PTPRD: variants seen among roughly 807,000 people sequenced by gnomAD.
PTPRD encodes the protein receptor-type tyrosine-protein phosphatase delta.
Under a neutral mutation model 214.5 loss-of-function variants are expected in PTPRD, and 34 were observed. The ratio of observed to expected loss-of-function variants is 0.16; its 90% CI spans 0.12 to 0.21. PTPRD has a LOEUF of 0.21. Ranked by LOEUF, PTPRD falls within the 10% of genes least tolerant of loss-of-function variation. The probability of loss-of-function intolerance (pLI) is 1.00; values close to 1 mark genes in which losing one functional copy is unlikely to be tolerated. For missense variants in PTPRD, 2,545 were observed against 2,398.7 expected (o/e 1.06, Z -1.27); for synonymous variants, 1,128 against 845.7 (o/e 1.33, Z -5.79).
chr9:8,944,895 T>G (rs1008708221), intron 11 of PTPRD, among the ~76,000 whole-genome samples: 10 of 151,846 alleles, frequency 6.6e-5, no homozygotes, highest in Admixed American at 6.6e-4. Context: ...ATTGAGGGAG[T>G]ATAATACAAT....
chr9:8,694,852 G>A (rs72700371), intron 12 of PTPRD, among the ~76,000 whole-genome samples: 15,639 of 152,064 alleles, frequency 0.1, 1,019 homozygotes, highest in South Asian at 0.15. Flanking sequence ...TTACTGTGGA[G>A]CCCCATGGCT....
chr9:8,792,465 G>C (rs543897012), intron 11 of PTPRD, among the ~76,000 whole-genome samples: 17 of 152,140 alleles, frequency 1.1e-4, no homozygotes, highest in Admixed American at 4.6e-4. Flanking sequence ...GGCGGCAGAA[G>C]CATTTATAAT....
At chr9:8,867,592 G>A (rs554651057) in intron 11 of PTPRD, among the ~76,000 whole-genome samples, 27 of 152,220 alleles carry the variant, frequency 1.8e-4, no homozygotes, top group South Asian at 8.3e-4. Context: ...AAAACAGGTC[G>A]TGTTCTAAGA....
At chr9:8,997,004 A>C (rs2099399635) in intron 11 of PTPRD, among the ~76,000 whole-genome samples, 1 of 152,120 alleles carries the variant, frequency 6.6e-6, no homozygotes, top group Non-Finnish European at 1.5e-5. Context: ...AATGAACCTG[A>C]CTAAAAATAG....
At chr9:8,943,089 C>G (rs986115141) in intron 11 of PTPRD, among the ~76,000 whole-genome samples, 9 of 151,934 alleles carry the variant, frequency 5.9e-5, no homozygotes, top group Admixed American at 2.6e-4. Flanking sequence ...AATGAAAAAT[C>G]TCTACAATGA....
In PTPRD at chr9:9,946,855, A is replaced by G. The variant is rs528508164; in HGVS notation, c.-471-8245T>C. On this transcript the variant is annotated intron_variant, in intron 4 of 45. Coordinates refer to ENST00000381196, the MANE Select transcript of PTPRD (RefSeq NM_002839.4). ...AAGTAGTTCCACTGAAACTTAAAAT[A>G]TGCTTTAATTGAAGTGCAATATTAT... 1.9e-4 allele frequency among the ~76,000 whole-genome samples: 29 copies of G among 152,244 alleles called. No homozygotes were observed. The South Asian group carries it at 4.1e-3, about 22-fold the overall frequency.
intron 11 of PTPRD, among the ~76,000 whole-genome samples, chr9:8,934,348 T>C (rs1167734392): frequency 1.4e-5 from 2 of 144,490 alleles, no homozygotes; most frequent in East Asian, 2.1e-4. Context: ...GGTACCTACA[T>C]TCCCCTTCCC....
intron 3 of PTPRD, among the ~76,000 whole-genome samples, chr9:10,125,163 CA>C (rs965139986): frequency 6.6e-6 from 1 of 152,000 alleles, no homozygotes; most frequent in Non-Finnish European, 1.5e-5. Flanking sequence ...AGGAGTTGTA[CA>C]AACTTAAAGG....
chr9:8,596,187 A>G (rs1367767132), intron 14 of PTPRD, among the ~76,000 whole-genome samples: 1 of 152,122 alleles, frequency 6.6e-6, no homozygotes, highest in Non-Finnish European at 1.5e-5. Flanking sequence ...AAAATAATAT[A>G]GTATTTTGCA....
In PTPRD at chr9:9,805,237, T is replaced by C. The variant is rs934715671; in HGVS notation, c.-367-38386A>G. Among the ~76,000 whole-genome samples the C allele has an allele frequency of 2.0e-5, 3 of 152,098 alleles. No individual in the cohort carries two copies. The South Asian group carries it at 6.2e-4, about 31-fold the overall frequency. On this transcript the variant is annotated intron_variant, in intron 5 of 45. Transcript: ENST00000381196. ...TGTTAACAACCTCACAATGACCTAGTAGTATGAGAAGAAGTAATATATAAA... is the reference window on the plus strand; with the variant it reads ...TGTTAACAACCTCACAATGACCTAGCAGTATGAGAAGAAGTAATATATAAA...
At chr9:9,382,451 A>G (rs2062617835) in intron 9 of PTPRD, among the ~76,000 whole-genome samples, 1 of 151,998 alleles carries the variant, frequency 6.6e-6, no homozygotes, top group Non-Finnish European at 1.5e-5. Flanking sequence ...AATATCCAAA[A>G]TATGTAAGAA....
At chr9:10,027,860 C>G (rs1251132147) in intron 4 of PTPRD, among the ~76,000 whole-genome samples, 1 of 152,112 alleles carries the variant, frequency 6.6e-6, no homozygotes, top group African/African-American at 2.4e-5. Flanking sequence ...TTGCCTTTTT[C>G]TCCTTTAGAT....
chr9:9,737,759 A>AT (rs934472452), intron 6 of PTPRD, among the ~76,000 whole-genome samples: 5 of 152,046 alleles, frequency 3.3e-5, no homozygotes, highest in Non-Finnish European at 5.9e-5. Flanking sequence ...TTAGGTTTTC[A>AT]TTTTTTTGCT....
intron 3 of PTPRD, among the ~76,000 whole-genome samples, chr9:10,261,784 A>T (rs2093714971): frequency 6.6e-6 from 1 of 152,132 alleles, no homozygotes; most frequent in Admixed American, 6.5e-5. Flanking sequence ...TAATGGCATA[A>T]GGCAATAGTA....
intron 3 of PTPRD, among the ~76,000 whole-genome samples, chr9:10,143,618 C>G (rs1056492826): frequency 2.0e-5 from 3 of 152,058 alleles, no homozygotes; most frequent in African/African-American, 7.2e-5. Flanking sequence ...ATGTTCATTG[C>G]AGCACCATTC....
rs138539653 is a variant in PTPRD at position 10,025,973 on chromosome 9, T to G, written c.-472+7745A>C. On this transcript the variant is annotated intron_variant, in intron 4 of 45. Transcript: ENST00000381196. ...ATCTCAAGAAAGAGAAACTAGAGAT[T>G]AACTCAGGATACTTCAAGGCTAAGG... Among the ~76,000 whole-genome samples the G allele has an allele frequency of 6.8e-4, 103 of 152,268 alleles. 1 individual carries two copies. In the East Asian group the frequency reaches 0.017, roughly 25 times the overall value.
At chr9:9,575,980 T>C (rs1052517827) in intron 7 of PTPRD, among the ~76,000 whole-genome samples, 2 of 152,192 alleles carry the variant, frequency 1.3e-5, no homozygotes, top group African/African-American at 4.8e-5. Flanking sequence ...GCAAACTCTT[T>C]AGAAAATTCA....
intron 2 of PTPRD, among the ~76,000 whole-genome samples, chr9:10,465,915 T>A (rs1368076107): frequency 1.3e-5 from 2 of 152,204 alleles, no homozygotes; most frequent in Admixed American, 1.3e-4. Context: ...TTCCAAATAG[T>A]AAATACTATA....
At chr9:8,517,314 G>A (rs1217388620) in intron 21 of PTPRD, among the ~76,000 whole-genome samples, 3 of 152,176 alleles carry the variant, frequency 2.0e-5, no homozygotes, top group South Asian at 2.1e-4. Flanking sequence ...CTGAGATCTC[G>A]GTAACTGTCT....
Sources: allele counts gnomAD v4.1 joint callset (sites outside exome capture counted in the v4.1 genomes callset), GRCh38; gene constraint gnomAD v4.1.1; transcripts MANE v1.5; gene names NCBI Gene and HGNC (gene_info 2026-07-23, HGNC 2026-07-21).